PPP3R1: variants seen among roughly 807,000 people sequenced by gnomAD.
PPP3R1 encodes calcineurin subunit B type 1.
A neutral mutation model predicts 22.6 loss-of-function variants in PPP3R1; 5 were observed. The observed-to-expected ratio is 0.22, with a 90% confidence interval of 0.12 to 0.46. The LOEUF is 0.46. Ranked by LOEUF, PPP3R1 falls within the 20% of genes least tolerant of loss-of-function variation. The pLI is 0.99. For missense variants in PPP3R1, 61 were observed against 203.2 expected, an observed-to-expected ratio of 0.30 and a Z score of 4.25; for synonymous variants, 56 against 65.2, an observed-to-expected ratio of 0.86 and a Z score of 0.68.
At chr2:68,212,392 G>A (rs182157894) in intron 2 of PPP3R1, among the ~76,000 whole-genome samples, 35 of 152,226 alleles carry the variant, frequency 2.3e-4, no homozygotes, top group African/African-American at 7.7e-4. Flanking sequence ...TTTCCAGAAC[G>A]TCTTTAATGT....
At chr2:68,230,689 CT>C (rs1316981523) in intron 1 of PPP3R1, among the ~76,000 whole-genome samples, 1 of 152,176 alleles carries the variant, frequency 6.6e-6, no homozygotes, top group East Asian at 1.9e-4. Context: ...TGTTATCTTT[CT>C]AGGGTAAGTC....
chr2:68,224,569 C>T (rs971421027), intron 1 of PPP3R1, among the ~76,000 whole-genome samples: 3 of 151,518 alleles, frequency 2.0e-5, no homozygotes, highest in Admixed American at 6.6e-5. Context: ...GAAGCTGAGG[C>T]AGGAGAATCA....
intron 5 of PPP3R1, 102 bp from the exon 6 acceptor site, chr2:68,181,112 G>A (rs1471670774): frequency 3.5e-6 from 4 of 1,138,036 alleles, no homozygotes; most frequent in Non-Finnish European, 5.2e-6. Context: ...CTAGGGGGCT[G>A]GGCGTGGTGG....
intron 1 of PPP3R1, among the ~76,000 whole-genome samples, chr2:68,230,688 T>G (rs1220380182): frequency 6.6e-6 from 1 of 152,232 alleles, no homozygotes; most frequent in Admixed American, 6.5e-5. Flanking sequence ...TTGTTATCTT[T>G]CTAGGGTAAG....
At chr2:68,251,477 C>G (rs1022608244) in intron 1 of PPP3R1, among the ~76,000 whole-genome samples, 1 of 152,214 alleles carries the variant, frequency 6.6e-6, no homozygotes, top group African/African-American at 2.4e-5. Flanking sequence ...CACCTTGGAT[C>G]TTTCCGGTTC....
At chr2:68,203,685 A>T (rs1675035524) in intron 2 of PPP3R1, among the ~76,000 whole-genome samples, 1 of 152,214 alleles carries the variant, frequency 6.6e-6, no homozygotes, top group Non-Finnish European at 1.5e-5. Context: ...TTTTCAAAAC[A>T]GCAAACCTCC....
rs1411661353 is a variant in PPP3R1 at position 68,184,204 on chromosome 2, T to G, written c.465+2264A>C. On this transcript the variant is annotated intron_variant, in intron 5 of 5. Coordinates refer to ENST00000234310, the MANE Select transcript of PPP3R1 (RefSeq NM_000945.4). ...TCCAGTTCCTTCTTAAAACAGACTT[T>G]AACCAGTCTTTCTGTTTTTAGCCTC... Among the ~76,000 whole-genome samples, 3 of 152,220 alleles carry G rather than the reference T, an allele frequency of 2.0e-5. 1 individual carries two copies. The highest frequency in any genetic ancestry group is 4.4e-5 in the Non-Finnish European group (3 of 68,038).
At chr2:68,210,915 T>G (rs144330756) in intron 2 of PPP3R1, among the ~76,000 whole-genome samples, 3 of 152,328 alleles carry the variant, frequency 2.0e-5, no homozygotes, top group Admixed American at 2.0e-4. Flanking sequence ...TCAGTCAGTA[T>G]ATATAATGCA....
chr2:68,186,364 ATACT>A, intron 5 of PPP3R1, 100 bp downstream of exon 5: 2 of 1,137,380 alleles, frequency 1.8e-6, no homozygotes, highest in Non-Finnish European at 2.5e-6. Flanking sequence ...GAAAAATCAA[ATACT>A]TAAGTTTTTA....
intron 1 of PPP3R1, among the ~76,000 whole-genome samples, chr2:68,230,953 T>C (rs1302212103): frequency 6.6e-6 from 1 of 152,242 alleles, no homozygotes; most frequent in East Asian, 1.9e-4. Flanking sequence ...TGAGATATCC[T>C]GGTCTGGATG....
In PPP3R1 at chr2:68,187,328, A is replaced by T; in HGVS notation, c.221-14T>A. On this transcript the variant is annotated splice_polypyrimidine_tract_variant and intron_variant, in intron 3 of 5. Coordinates refer to ENST00000234310, the MANE Select transcript of PPP3R1 (RefSeq NM_000945.4). Reference sequence around the variant, plus strand: ...CCTCAATGAATTCTGAATAAGAGTTAAAAATGTTCACAAATCAGAACTTCC... The same window carrying T: ...CCTCAATGAATTCTGAATAAGAGTTTAAAATGTTCACAAATCAGAACTTCC... The T allele has an allele frequency of 6.2e-7, 1 of 1,601,652 alleles. No homozygotes were observed. The highest frequency in any genetic ancestry group is 8.5e-7 in the Non-Finnish European group (1 of 1,172,364).
chr2:68,204,715 G>T (rs1458707498), intron 2 of PPP3R1, among the ~76,000 whole-genome samples: 1 of 152,330 alleles, frequency 6.6e-6, no homozygotes, highest in African/African-American at 2.4e-5. Context: ...ATTATGGATT[G>T]TTATTATTTA....
chr2:68,251,004 A>C (rs1054653268), intron 1 of PPP3R1: 1 of 152,270 alleles, frequency 6.6e-6, no homozygotes, highest in African/African-American at 2.4e-5. Flanking sequence ...CAACCAGTTT[A>C]AGTCTTCTGA....
chr2:68,190,084 A>G (rs1674629281), intron 2 of PPP3R1, among the ~76,000 whole-genome samples: 1 of 150,896 alleles, frequency 6.6e-6, no homozygotes, highest in African/African-American at 2.4e-5. Flanking sequence ...TTATATTAAA[A>G]TAGAACTATA....
intron 2 of PPP3R1, among the ~76,000 whole-genome samples, chr2:68,198,472 C>T (rs367794133): frequency 1.3e-4 from 20 of 148,154 alleles, no homozygotes; most frequent in Middle Eastern, 3.7e-3. Flanking sequence ...CGTATATATG[C>T]GTATGTATAT....
intron 2 of PPP3R1, among the ~76,000 whole-genome samples, chr2:68,192,490 T>C (rs1188256689): frequency 6.6e-6 from 1 of 152,168 alleles, no homozygotes; most frequent in Non-Finnish European, 1.5e-5. Context: ...TTTATTGAAG[T>C]GGGGACATTA....
chr2:68,199,947 C>T (rs1674937893), intron 2 of PPP3R1, among the ~76,000 whole-genome samples: 3 of 152,010 alleles, frequency 2.0e-5, no homozygotes, highest in East Asian at 1.9e-4. Flanking sequence ...ATGCTAGCTT[C>T]TATTTTCTAA....
chr2:68,190,378 A>G (rs1042360172), intron 2 of PPP3R1, among the ~76,000 whole-genome samples: 1 of 151,526 alleles, frequency 6.6e-6, no homozygotes, highest in African/African-American at 2.4e-5. Context: ...CAGCCTGGCC[A>G]ACGTGGTGAA....
At chr2:68,228,968 C>T (rs1427850398) in intron 1 of PPP3R1, among the ~76,000 whole-genome samples, 1 of 151,808 alleles carries the variant, frequency 6.6e-6, no homozygotes, top group African/African-American at 2.4e-5. Context: ...AGTTTGATTC[C>T]ACTTTGGTAG....
Sources: gnomAD v4.1 joint callset for allele counts (sites outside exome capture counted in the v4.1 genomes callset) on GRCh38, gnomAD v4.1.1 for gene constraint, MANE v1.5 for transcripts, NCBI Gene and HGNC (gene_info 2026-07-23, HGNC 2026-07-21) for gene names.